Variants in DNM3 observed in about 807,000 individuals in gnomAD.
The protein encoded by DNM3 is dynamin 3.
Under a neutral mutation model 101.6 loss-of-function variants are expected in DNM3, and 47 were observed. The observed-to-expected ratio is 0.46, with a 90% CI of 0.37 to 0.59. The LOEUF (loss-of-function observed/expected upper bound fraction) is 0.59. Among genes scored for constraint, DNM3 ranks in the 20% least tolerant of loss-of-function variants. The pLI is 0.00. For synonymous variants in DNM3, 385 were observed against 387.9 expected (o/e 0.99, Z 0.09); for missense variants, 849 against 1,085.7 (o/e 0.78, Z 3.06).
intron 2 of DNM3, among the ~76,000 whole-genome samples, chr1:171,947,570 A>C (rs1457929802): frequency 2.0e-5 from 3 of 152,218 alleles, no homozygotes; most frequent in African/African-American, 4.8e-5. Flanking sequence ...TATTAAGAAT[A>C]ATTTCAGGCA....
At chr1:172,078,731 C>T (rs1052139067) in intron 11 of DNM3, among the ~76,000 whole-genome samples, 7 of 151,756 alleles carry the variant, frequency 4.6e-5, no homozygotes, top group East Asian at 3.9e-4. Flanking sequence ...TTTTTTTTAC[C>T]GTTTGGTATG....
chr1:172,013,780 T>C (rs895726451), intron 4 of DNM3, among the ~76,000 whole-genome samples: 9 of 152,048 alleles, frequency 5.9e-5, no homozygotes, highest in African/African-American at 9.7e-5. Context: ...GTAAAAGTCA[T>C]TGGGTTTGAC....
In DNM3 at chr1:171,859,484, A is replaced by G. The variant is rs148487378; in HGVS notation, c.161+17667A>G. On this transcript the variant is annotated intron_variant, in intron 1 of 20. Coordinates refer to ENST00000627582, the MANE Select transcript of DNM3 (RefSeq NM_015569.5). ...TTCTAGCATATGGTAATTTCTGAAT[A>G]ATTATTCAATGCATTAATCTACAAA... is the stretch of plus-strand genomic sequence containing the variant. Among the ~76,000 whole-genome samples the G allele has an allele frequency of 7.7e-3, 1,171 of 152,248 alleles. 14 individuals carry two copies. Among genetic ancestry groups the G allele is most frequent in the African/African-American group, 0.027 (1,104 of 41,546 alleles).
chr1:172,410,865 C>G lies in DNM3; in HGVS notation c.*3024C>G, dbSNP rs895249146. ...TAGTATAGACTGTAGCCATAATTCT[C>G]AAATATGAAATGGGACCTAATACCA... On this transcript the variant is annotated 3_prime_UTR_variant, in exon 21 of 21. Coordinates refer to ENST00000627582, the MANE Select transcript of DNM3 (RefSeq NM_015569.5). The G allele has an allele frequency of 4.1e-6, 4 of 985,072 alleles. No homozygotes were observed. 61.0% of individuals were successfully genotyped at this position (985,072 alleles called of 1,614,324 possible). A position where few individuals can be genotyped will look rare whatever the true frequency, so the allele number is the denominator to read the frequency against.
At chr1:172,139,249 T>C (rs943457753) in intron 14 of DNM3, 3 of 203,924 alleles carry the variant, frequency 1.5e-5, no homozygotes, top group Non-Finnish European at 3.0e-5. Flanking sequence ...ACCAGATGTT[T>C]TTCCTCTTTG....
chr1:172,333,860 A>G (rs1385367481), intron 17 of DNM3, among the ~76,000 whole-genome samples: 1 of 152,200 alleles, frequency 6.6e-6, no homozygotes, highest in Non-Finnish European at 1.5e-5. Flanking sequence ...ACATTCTTCA[A>G]CATAAAATAT....
At chr1:172,027,652 A>C (rs2048311414) in intron 4 of DNM3, among the ~76,000 whole-genome samples, 1 of 151,758 alleles carries the variant, frequency 6.6e-6, no homozygotes, top group African/African-American at 2.4e-5. Context: ...GTCAGGACCC[A>C]TCCATGTGCT....
At chr1:172,203,229 C>A (rs975248877) in intron 14 of DNM3, among the ~76,000 whole-genome samples, 5 of 152,058 alleles carry the variant, frequency 3.3e-5, no homozygotes, top group Admixed American at 2.6e-4. Flanking sequence ...CCTCGTGTTC[C>A]CCAAAGGCTG....
Position 171,966,147 on chromosome 1 carries a change from A to T in DNM3, c.236-21509A>T, listed in dbSNP as rs2043573257. Among the ~76,000 whole-genome samples, 3 of 152,156 alleles carry T rather than the reference A, an allele frequency of 2.0e-5. No individual in the cohort carries two copies. In the South Asian group the frequency reaches 6.2e-4, roughly 31 times the overall value. ...CTCCCAGGTGGCCCTCCCAAACAAC[A>T]CTTAAATGTCTTTTGGGCAGCTTCT... On this transcript the variant is annotated intron_variant, in intron 2 of 20. Coordinates refer to ENST00000627582, the MANE Select transcript of DNM3 (RefSeq NM_015569.5).
chr1:171,846,285 T>C (rs1180576301), intron 1 of DNM3, among the ~76,000 whole-genome samples: 2 of 152,186 alleles, frequency 1.3e-5, no homozygotes, highest in African/African-American at 2.4e-5. Flanking sequence ...AATTCCTTTT[T>C]TATTAGTAAT....
At chr1:172,035,603 T>C (rs2048899220) in intron 6 of DNM3, among the ~76,000 whole-genome samples, 1 of 152,166 alleles carries the variant, frequency 6.6e-6, no homozygotes, top group South Asian at 2.1e-4. Context: ...AGCCGCAGTA[T>C]TGCTTTGCTC....
intron 14 of DNM3, among the ~76,000 whole-genome samples, chr1:172,183,262 G>A (rs185502688): frequency 8.8e-4 from 134 of 152,064 alleles, no homozygotes; most frequent in Admixed American, 2.7e-3. Flanking sequence ...AGCCAGTTTT[G>A]GTTTCAAACA....
chr1:172,107,547 T>C (rs1572539915), intron 13 of DNM3, among the ~76,000 whole-genome samples: 1 of 152,212 alleles, frequency 6.6e-6, no homozygotes. Flanking sequence ...TTTAAGGGTT[T>C]AGCAAAAGAC....
chr1:172,260,001 A>G (rs1461773437), intron 15 of DNM3, among the ~76,000 whole-genome samples: 2 of 151,904 alleles, frequency 1.3e-5, no homozygotes, highest in Non-Finnish European at 2.9e-5. Context: ...AGTATTTCTT[A>G]TAGGGGTGGT....
downstream of DNM3, among the ~76,000 whole-genome samples, chr1:172,413,145 C>G (rs2071303372): frequency 6.6e-6 from 1 of 152,220 alleles, no homozygotes; most frequent in Non-Finnish European, 1.5e-5. Flanking sequence ...AATATTTTAG[C>G]TCCTGACCCA....
intron 14 of DNM3, among the ~76,000 whole-genome samples, chr1:172,225,905 A>T (rs1008265473): frequency 6.6e-6 from 1 of 151,812 alleles, no homozygotes; most frequent in Non-Finnish European, 1.5e-5. Context: ...TATTTGTGCC[A>T]TTCTACAATT....
chr1:172,244,794 T>TG (rs1297481505), intron 14 of DNM3, among the ~76,000 whole-genome samples: 6 of 152,184 alleles, frequency 3.9e-5, no homozygotes, highest in Non-Finnish European at 5.9e-5. Context: ...GAAGTCAGTG[T>TG]GGCGATTCCT....
At chr1:172,290,881 A>G (rs1443901831) in intron 15 of DNM3, among the ~76,000 whole-genome samples, 1 of 152,142 alleles carries the variant, frequency 6.6e-6, no homozygotes, top group Non-Finnish European at 1.5e-5. Context: ...AGACGAGACA[A>G]AAAGAGATTA....
intron 14 of DNM3, among the ~76,000 whole-genome samples, chr1:172,217,082 T>G (rs2060726803): frequency 6.6e-6 from 1 of 152,144 alleles, no homozygotes; most frequent in African/African-American, 2.4e-5. Context: ...CAATGGAATC[T>G]TTCTTAATAA....
Sources: gnomAD v4.1 joint callset for allele counts (sites outside exome capture counted in the v4.1 genomes callset) on GRCh38, gnomAD v4.1.1 for gene constraint, MANE v1.5 for transcripts, NCBI Gene and HGNC (gene_info 2026-07-23, HGNC 2026-07-21) for gene names.